The following CACNG3 variants were observed in gnomAD, a reference collection of about 807,000 sequenced individuals.
The protein encoded by CACNG3 is voltage-dependent calcium channel gamma-3 subunit.
Under a neutral mutation model 28.5 loss-of-function variants are expected in CACNG3, and 3 were observed. The observed-to-expected ratio is 0.11, with a 90% CI of 0.05 to 0.27. CACNG3 has a LOEUF of 0.27. Ranked by LOEUF, CACNG3 falls within the 10% of genes least tolerant of loss-of-function variation. The probability of loss-of-function intolerance (pLI) is 1.00; values close to 1 mark genes in which losing one functional copy is unlikely to be tolerated. For synonymous variants in CACNG3, 174 were observed against 162.2 expected, an observed-to-expected ratio of 1.07 and a Z score of -0.55; for missense variants, 236 against 414.4, an observed-to-expected ratio of 0.57 and a Z score of 3.74.
At chr16:24,311,462 T>C (rs1899261614) in intron 1 of CACNG3, among the ~76,000 whole-genome samples, 1 of 150,388 alleles carries the variant, frequency 6.6e-6, no homozygotes, top group Non-Finnish European at 1.5e-5. Flanking sequence ...TGAGCTGAGA[T>C]TGTGCCACTG....
chr16:24,260,881 T>G (rs1411057696), intron 1 of CACNG3, among the ~76,000 whole-genome samples: 4 of 152,220 alleles, frequency 2.6e-5, no homozygotes, highest in Admixed American at 2.6e-4. Context: ...CTGCTGCGTG[T>G]TATCAATAGT....
intron 1 of CACNG3, among the ~76,000 whole-genome samples, chr16:24,322,602 AG>A (rs1246292443): frequency 1.3e-5 from 2 of 152,144 alleles, no homozygotes; most frequent in Non-Finnish European, 2.9e-5. Flanking sequence ...AGAAAAAAAA[AG>A]TAAAACTCCC....
intron 1 of CACNG3, among the ~76,000 whole-genome samples, chr16:24,310,156 C>A (rs990312065): frequency 7.3e-5 from 11 of 151,668 alleles, no homozygotes; most frequent in African/African-American, 2.7e-4. Flanking sequence ...AGAGACTATG[C>A]TTTGCAGACT....
At chr16:24,315,042 A>T (rs989599051) in intron 1 of CACNG3, among the ~76,000 whole-genome samples, 10 of 152,106 alleles carry the variant, frequency 6.6e-5, no homozygotes, top group African/African-American at 2.4e-4. Flanking sequence ...CCTGACAGTC[A>T]AAAGGACTTG....
At chr16:24,302,361 C>G (rs995375871) in intron 1 of CACNG3, among the ~76,000 whole-genome samples, 2 of 152,226 alleles carry the variant, frequency 1.3e-5, no homozygotes, top group African/African-American at 2.4e-5. Context: ...ACAGCGTCCC[C>G]TGGGAGTCTG....
At chr16:24,354,298 C>T (rs572038308) in intron 2 of CACNG3, among the ~76,000 whole-genome samples, 2 of 152,304 alleles carry the variant, frequency 1.3e-5, no homozygotes, top group South Asian at 4.2e-4. Flanking sequence ...ATATCACCCT[C>T]CTTGGGTGCA....
chr16:24,350,998 G>A (rs1178209848), intron 2 of CACNG3, among the ~76,000 whole-genome samples: 2 of 152,178 alleles, frequency 1.3e-5, no homozygotes, highest in South Asian at 2.1e-4. Flanking sequence ...TCACTCGCTG[G>A]GATGGCCCCC....
chr16:24,313,935 G>A (rs575452151), intron 1 of CACNG3, among the ~76,000 whole-genome samples: 1 of 152,010 alleles, frequency 6.6e-6, no homozygotes, highest in African/African-American at 2.4e-5. Flanking sequence ...AGTAGAGACA[G>A]GATATCGCCA....
At chr16:24,327,517 G>C in intron 1 of CACNG3, among the ~76,000 whole-genome samples, 1 of 126,986 alleles carries the variant, frequency 7.9e-6, no homozygotes, top group East Asian at 2.7e-4. Context: ...ATATGGGGGG[G>C]CTGAGGTTGG....
rs139619447 is a variant in CACNG3 at position 24,307,403 on chromosome 16, T to G, written c.212-39331T>G. On this transcript the variant is annotated intron_variant, in intron 1 of 3. Coordinates refer to ENST00000005284, the MANE Select transcript of CACNG3 (RefSeq NM_006539.4). Reference sequence around the variant, plus strand: ...TCCCAAAGTGCTAGGATTACAGACATGAGCCACTTCAGCCAGCTTCCAAAT... The same window carrying G: ...TCCCAAAGTGCTAGGATTACAGACAGGAGCCACTTCAGCCAGCTTCCAAAT... Among the ~76,000 whole-genome samples the G allele has an allele frequency of 1.7e-3, 262 of 152,262 alleles. 1 individual carries two copies. The highest frequency in any genetic ancestry group is 6.2e-3 in the African/African-American group (256 of 41,554).
chr16:24,301,569 T>C (rs891370186), intron 1 of CACNG3, among the ~76,000 whole-genome samples: 1 of 152,178 alleles, frequency 6.6e-6, no homozygotes, highest in African/African-American at 2.4e-5. Context: ...CCAGTGATTA[T>C]ACATTTCTCA....
At chr16:24,311,052 G>T (rs1899254955) in intron 1 of CACNG3, among the ~76,000 whole-genome samples, 4 of 152,296 alleles carry the variant, frequency 2.6e-5, no homozygotes, top group African/African-American at 9.6e-5. Flanking sequence ...GGGGCACTTG[G>T]GTTGTCCCCA....
intron 1 of CACNG3, among the ~76,000 whole-genome samples, chr16:24,270,334 C>G (rs1898670155): frequency 1.3e-5 from 2 of 152,322 alleles, no homozygotes; most frequent in South Asian, 4.1e-4. Context: ...AACCAATTAG[C>G]TGTTTATTAG....
rs1264868357 is a variant in CACNG3, at chr16:24,256,724, C to G, written c.-31C>G. 1.3e-6 allele frequency: 2 copies of G among 1,495,188 alleles called. No individual in the cohort carries two copies. The highest frequency in any genetic ancestry group is 1.4e-5 in the African/African-American group (1 of 72,762). 92.6% of individuals were successfully genotyped at this position (1,495,188 alleles called of 1,614,324 possible). On this transcript the variant is annotated 5_prime_UTR_variant, in exon 1 of 4. Coordinates refer to ENST00000005284, the MANE Select transcript of CACNG3 (RefSeq NM_006539.4). This position sits in a 1 kb window ranked among gnomAD's most constrained non-coding sequence, Gnocchi z 4.6. The stretch of plus-strand genomic sequence containing the variant: ...TCCGGCACTGACTCTCCCCCTCCAA[C>G]CCCCAGCCGTCCAGAGTACCATGAA...
At chr16:24,346,135 A>G (rs1450769733) in intron 1 of CACNG3, among the ~76,000 whole-genome samples, 1 of 152,186 alleles carries the variant, frequency 6.6e-6, no homozygotes, top group Non-Finnish European at 1.5e-5. Flanking sequence ...CTTCATAATT[A>G]GTGTTTATGT....
At chr16:24,309,593 G>T (rs77921328) in intron 1 of CACNG3, among the ~76,000 whole-genome samples, 172 of 152,300 alleles carry the variant, frequency 1.1e-3, no homozygotes, top group South Asian at 2.1e-3. Context: ...TTCATGCAGG[G>T]GTGCCTGGTG....
At chr16:24,284,971 T>A (rs1250863310) in intron 1 of CACNG3, among the ~76,000 whole-genome samples, 3 of 148,266 alleles carry the variant, frequency 2.0e-5, no homozygotes, top group South Asian at 4.3e-4. Context: ...AGTCTTGTCT[T>A]ACAAACACAG....
At chr16:24,259,299 C>G (rs894266699) in intron 1 of CACNG3, among the ~76,000 whole-genome samples, 5 of 152,148 alleles carry the variant, frequency 3.3e-5, no homozygotes, top group Non-Finnish European at 4.4e-5. Context: ...AAATTTGAAG[C>G]CAAGATGTGT....
chr16:24,338,343 TTTTG>T (rs1181650258), intron 1 of CACNG3, among the ~76,000 whole-genome samples: 1 of 152,012 alleles, frequency 6.6e-6, no homozygotes, highest in Admixed American at 6.6e-5. Context: ...GGTTTTTTGT[TTTTG>T]TTTGTTTGTT....
Sources: allele counts gnomAD v4.1 joint callset (sites outside exome capture counted in the v4.1 genomes callset), GRCh38; gene constraint gnomAD v4.1.1; non-coding constraint Gnocchi (gnomAD v3.1); transcripts MANE v1.5; gene names NCBI Gene and HGNC (gene_info 2026-07-23, HGNC 2026-07-21).